The following PTGIS variants were observed in gnomAD, a reference collection of about 807,000 sequenced individuals.
PTGIS encodes prostaglandin I2 synthase.
A neutral mutation model predicts 50.3 loss-of-function variants in PTGIS; 45 were observed. The observed-to-expected ratio is 0.90, with a 90% CI of 0.70 to 1.15. PTGIS has a LOEUF of 1.15. PTGIS is among the 50% of genes most tolerant of loss of function. The probability of loss-of-function intolerance (pLI) is 0.00; values close to 1 mark genes in which losing one functional copy is unlikely to be tolerated. For missense variants in PTGIS, 668 were observed against 661.3 expected (o/e 1.01, Z -0.11); for synonymous variants, 260 against 267.7 (o/e 0.97, Z 0.28).
At chr20:49,544,870 C>T (rs1237034353) in intron 3 of PTGIS, among the ~76,000 whole-genome samples, 1 of 152,152 alleles carries the variant, frequency 6.6e-6, no homozygotes, top group Non-Finnish European at 1.5e-5. Flanking sequence ...GGACCCATAG[C>T]GTTCTGGAAG....
rs1018082694 is a variant in PTGIS at position 49,544,353 on chromosome 20, C to T, written c.473G>A (p.Gly158Asp). The T allele has an allele frequency of 6.2e-7, 1 of 1,614,190 alleles. No homozygotes were observed. Among genetic ancestry groups the T allele is most frequent in the Admixed American group, 1.7e-5 (1 of 60,026 alleles). Reference protein sequence around the residue: ...LLGDATEAGSGWHEMGLLDFS... With the variant: ...LLGDATEAGSDWHEMGLLDFS... ...GTCGAGGAGACCCATCTCGTGCCAG[C>T]CACTGCCTGCTTCTGTAGCATCGCC... is the stretch of plus-strand genomic sequence containing the variant. Residue 158 changes from glycine (G) to aspartate (D), a missense_variant, in exon 4 of 10, where the codon GGC (glycine) becomes GAC (aspartate). Gly to Asp is a moderately conservative substitution (Grantham distance 94). Transcript: ENST00000244043.
At chr20:49,523,232 A>G (rs527598397) in intron 6 of PTGIS, among the ~76,000 whole-genome samples, 1 of 152,178 alleles carries the variant, frequency 6.6e-6, no homozygotes, top group Non-Finnish European at 1.5e-5. Context: ...GTGGTCATGC[A>G]GGAGATGTTC....
chr20:49,506,374 TTTAA>T lies in PTGIS; in HGVS notation c.*1542_*1545del, dbSNP rs1162213939. ...TTTTTCTCTTTAAGCTGTTTTTTAT[TTTAA>T]TTAATTATTTATTTATTGAGACAGA... On this transcript the variant is annotated 3_prime_UTR_variant, in exon 10 of 10. Transcript: ENST00000244043. 2 of 152,226 alleles carry T rather than the reference TTTAA, an allele frequency of 1.3e-5. No individual in the cohort carries two copies. Among genetic ancestry groups the T allele is most frequent in the Non-Finnish European group, 2.9e-5 (2 of 68,040 alleles). The allele number at this position is 152,226 out of a possible 1,614,324, so 9.4% of individuals were successfully genotyped here.
intron 1 of PTGIS, 55 bp from the exon 2 acceptor site, chr20:49,550,244 A>T (rs1982472908): frequency 6.3e-7 from 1 of 1,598,966 alleles, no homozygotes; most frequent in African/African-American, 1.3e-5. Context: ...GGGCATAAAG[A>T]GTGTAGGTTG....
At chr20:49,511,383 T>C (rs1399340251) in intron 8 of PTGIS, among the ~76,000 whole-genome samples, 1 of 152,182 alleles carries the variant, frequency 6.6e-6, no homozygotes, top group Non-Finnish European at 1.5e-5. Context: ...TACAATTGGT[T>C]GTTGAGTGAA....
intron 9 of PTGIS, among the ~76,000 whole-genome samples, chr20:49,510,499 A>C (rs1463529820): frequency 1.3e-5 from 2 of 152,142 alleles, no homozygotes; most frequent in African/African-American, 4.8e-5. Context: ...TCAGAAGGTA[A>C]CCCAGCTTAT....
chr20:49,568,045 C>CTA lies in PTGIS; in HGVS notation c.71_72insTA (p.Arg25SerfsTer34). ...GCCGAGCGGAGCAGGACACTCACCG[C>CTA]GTGCGGCGGCGGCTCAGTAGCAGCA... On this transcript the variant is annotated frameshift_variant, in exon 1 of 10. Transcript: ENST00000244043. LOFTEE classifies it high-confidence loss of function. The CTA allele has an allele frequency of 1.4e-6, 2 of 1,480,788 alleles. No homozygotes were observed. Among genetic ancestry groups the CTA allele is most frequent in the Non-Finnish European group, 1.8e-6 (2 of 1,122,014 alleles). 91.7% of individuals were successfully genotyped at this position (1,480,788 alleles called of 1,614,324 possible). A position where few individuals can be genotyped will look rare whatever the true frequency, so the allele number is the denominator to read the frequency against.
chr20:49,568,117 C>CGCGGGGATG lies in PTGIS; in HGVS notation c.-2_-1insCATCCCCGC. On this transcript the variant is annotated 5_prime_UTR_variant, in exon 1 of 10. Transcript: ENST00000244043. ...GGCCGAGGAGCGCGGCCCAAGCCAT[C>CGCGGGGATG]GCGGGGCTGGCGGGGCTGGCGGGGC... The CGCGGGGATG allele has an allele frequency of 1.3e-6, 1 of 784,882 alleles. No individual in the cohort carries two copies. The highest frequency in any genetic ancestry group is 1.8e-6 in the Non-Finnish European group (1 of 568,998). The allele number at this position is 784,882 out of a possible 1,614,324, so 48.6% of individuals were successfully genotyped here. A position where few individuals can be genotyped will look rare whatever the true frequency, so the allele number is the denominator to read the frequency against.
intron 1 of PTGIS, among the ~76,000 whole-genome samples, chr20:49,566,899 T>C (rs1982912979): frequency 6.6e-6 from 1 of 152,224 alleles, no homozygotes; most frequent in Non-Finnish European, 1.5e-5. Flanking sequence ...GTGTTGGTTT[T>C]TAGTGGCGAC....
At chr20:49,535,453 A>G (rs1375996127) in intron 5 of PTGIS, among the ~76,000 whole-genome samples, 2 of 152,272 alleles carry the variant, frequency 1.3e-5, no homozygotes, top group African/African-American at 4.8e-5. Context: ...GACATCTGTC[A>G]GAGGGAAATG....
intron 7 of PTGIS, among the ~76,000 whole-genome samples, chr20:49,513,471 G>A (rs745981060): frequency 6.6e-6 from 1 of 152,028 alleles, no homozygotes; most frequent in Non-Finnish European, 1.5e-5. Flanking sequence ...AGGGTATCCA[G>A]GTCTGACCCC....
chr20:49,516,979 C>G (rs1981496729), intron 6 of PTGIS, among the ~76,000 whole-genome samples: 1 of 152,176 alleles, frequency 6.6e-6, no homozygotes, highest in African/African-American at 2.4e-5. Context: ...GTCACGTCCC[C>G]CTTTGGGTCT....
intron 5 of PTGIS, among the ~76,000 whole-genome samples, chr20:49,532,026 G>T (rs769938488): frequency 6.6e-6 from 1 of 152,174 alleles, no homozygotes; most frequent in Non-Finnish European, 1.5e-5. Context: ...TTGAAATGCG[G>T]CTGGCTCGAA....
chr20:49,518,491 A>G (rs1981554598), intron 6 of PTGIS, among the ~76,000 whole-genome samples: 2 of 152,170 alleles, frequency 1.3e-5, no homozygotes, highest in Non-Finnish European at 2.9e-5. Flanking sequence ...TAAAGTATAG[A>G]CTTTAGTTAC....
intron 5 of PTGIS, among the ~76,000 whole-genome samples, chr20:49,526,906 A>C (rs775166819): frequency 1.3e-5 from 2 of 152,216 alleles, no homozygotes; most frequent in African/African-American, 2.4e-5. Context: ...TGCTGTGAAA[A>C]AGAGTTTAGC....
intron 6 of PTGIS, among the ~76,000 whole-genome samples, chr20:49,516,480 TC>T (rs1364483443): frequency 6.6e-6 from 1 of 152,188 alleles, no homozygotes; most frequent in Non-Finnish European, 1.5e-5. Flanking sequence ...TCACTATGTT[TC>T]CCAGGCTGTA....
At chr20:49,546,986 C>T (rs1199032200) in intron 3 of PTGIS, among the ~76,000 whole-genome samples, 1 of 152,180 alleles carries the variant, frequency 6.6e-6, no homozygotes, top group Non-Finnish European at 1.5e-5. Flanking sequence ...AATCCCAGCA[C>T]TTTGGGAAGC....
intron 1 of PTGIS, among the ~76,000 whole-genome samples, chr20:49,566,322 T>A (rs1410151382): frequency 6.6e-6 from 1 of 152,228 alleles, no homozygotes; most frequent in Non-Finnish European, 1.5e-5. Flanking sequence ...GATCTCCTTG[T>A]AGCAAAAAGA....
chr20:49,556,238 A>G (rs937278942), intron 1 of PTGIS, among the ~76,000 whole-genome samples: 1 of 152,184 alleles, frequency 6.6e-6, no homozygotes. Context: ...TTGCCTAAGT[A>G]TCTTTTTTCT....
Sources: gnomAD v4.1 joint callset for allele counts (sites outside exome capture counted in the v4.1 genomes callset) on GRCh38, gnomAD v4.1.1 for gene constraint, MANE v1.5 for transcripts, NCBI Gene and HGNC (gene_info 2026-07-23, HGNC 2026-07-21) for gene names.